Variants in ABCA13 observed in about 807,000 individuals in gnomAD.
ABCA13 encodes ATP-binding cassette sub-family A member 13.
ABCA13 carries 476 observed loss-of-function variants against 478.7 expected under a neutral mutation model. The observed-to-expected ratio is 0.99, with a 90% confidence interval of 0.92 to 1.07. The LOEUF is 1.07. ABCA13 is among the 50% of genes least tolerant of loss of function. ABCA13 has a pLI of 0.00. For synonymous variants in ABCA13, 2,252 were observed against 2,158.9 expected, an observed-to-expected ratio of 1.04 and a Z score of -1.20; for missense variants, 6,060 against 5,910.6, an observed-to-expected ratio of 1.03 and a Z score of -0.83.
chr7:48,337,108 C>T (rs1168973760), intron 28 of ABCA13, among the ~76,000 whole-genome samples: 3 of 152,098 alleles, frequency 2.0e-5, no homozygotes, highest in East Asian at 1.9e-4. Flanking sequence ...GATAAGACGG[C>T]GTAAGTTGTT....
chr7:48,235,585 G>A (rs1789826324), intron 8 of ABCA13, among the ~76,000 whole-genome samples: 1 of 152,202 alleles, frequency 6.6e-6, no homozygotes, highest in Non-Finnish European at 1.5e-5. Flanking sequence ...GTGTTCTGGA[G>A]GTCAGATGCC....
chr7:48,587,106 G>A, intron 56 of ABCA13, 48 bp from the exon 57 acceptor site: 1 of 1,608,450 alleles, frequency 6.2e-7, no homozygotes, highest in Non-Finnish European at 8.5e-7. Flanking sequence ...CTGTCTGGTG[G>A]GCACTTTGGT....
Position 48,646,530 on chromosome 7 carries a change from T to TTA in ABCA13, c.*1019_*1020insAT, listed in dbSNP as rs1315215646. 1.3e-5 allele frequency: 2 copies of TTA among 151,946 alleles called. No individual in the cohort carries two copies. Among genetic ancestry groups the TTA allele is most frequent in the Admixed American group, 6.6e-5 (1 of 15,220 alleles). The allele number at this position is 151,946 out of a possible 1,614,324, so 9.4% of individuals were successfully genotyped here. ...GTAGTCTTTTTTATTTATTTATTTT[T>TTA]TTTTTTTGAGGCGGAGTCTCGCTCT... On this transcript the variant is annotated 3_prime_UTR_variant, in exon 62 of 62. Transcript: ENST00000435803.
At chr7:48,511,055 C>T (rs768239647) in intron 50 of ABCA13, 29 bp from the exon 51 acceptor site, 4 of 1,537,672 alleles carry the variant, frequency 2.6e-6, no homozygotes, top group Non-Finnish European at 3.6e-6. Flanking sequence ...GATGTAACAG[C>T]TCTCCCTTAT....
At chr7:48,316,210 C>T (rs969435715) in intron 26 of ABCA13, among the ~76,000 whole-genome samples, 1 of 151,950 alleles carries the variant, frequency 6.6e-6, no homozygotes, top group Non-Finnish European at 1.5e-5. Context: ...TAAGTACTTG[C>T]GTGAAAATAA....
intron 31 of ABCA13, among the ~76,000 whole-genome samples, chr7:48,353,094 G>C (rs1399822116): frequency 6.6e-6 from 1 of 151,852 alleles, no homozygotes; most frequent in African/African-American, 2.4e-5. Flanking sequence ...CCAGGCAGGG[G>C]ATGTTTGCAG....
chr7:48,180,571 C>T (rs1795546968), intron 1 of ABCA13, among the ~76,000 whole-genome samples: 1 of 151,988 alleles, frequency 6.6e-6, no homozygotes, highest in Admixed American at 6.5e-5. Flanking sequence ...CAGGTGCCAC[C>T]CATCATGCCT....
At position 48,372,297 on chromosome 7, in the gene ABCA13, A is replaced by G; in HGVS notation, c.10933A>G (p.Ser3645Gly). 6.2e-7 allele frequency: 1 copy of G among 1,613,984 alleles called. No homozygotes were observed. The highest frequency in any genetic ancestry group is 8.5e-7 in the Non-Finnish European group (1 of 1,179,868). Reference protein sequence around the residue: ...VLKTSGIFAHSNTFIVFLFLL... With the variant: ...VLKTSGIFAHGNTFIVFLFLL... ...GAAAACAAGTGGCATCTTTGCACAC[A>G]GCAATACCTTTATTGTTTTCCTCTT... Residue 3645 changes from serine (S) to glycine (G), a missense_variant, in exon 33 of 62, where the codon AGC becomes GGC. Physicochemically the swap from Ser to Gly is moderately conservative, Grantham distance 56. This residue lies in a region of ABCA13 where 4,423 missense variants were observed against 4,309.1 expected (regional missense o/e 1.03). Transcript: ENST00000435803.
chr7:48,485,445 GAGAAAA>G (rs1268924996), intron 47 of ABCA13, among the ~76,000 whole-genome samples: 14 of 151,846 alleles, frequency 9.2e-5, no homozygotes, highest in East Asian at 5.8e-4. Context: ...CCATTCTTGG[GAGAAAA>G]AGAAAAAGAA....
intron 29 of ABCA13, among the ~76,000 whole-genome samples, chr7:48,346,917 C>T (rs115104330): frequency 8.0e-4 from 122 of 152,306 alleles, no homozygotes; most frequent in African/African-American, 2.7e-3. Context: ...CTTCTATGTT[C>T]CCAAACCAGG....
intron 43 of ABCA13, among the ~76,000 whole-genome samples, chr7:48,465,055 G>C (rs1826715849): frequency 6.6e-6 from 1 of 152,160 alleles, no homozygotes; most frequent in Non-Finnish European, 1.5e-5. Context: ...TCAAACAGTG[G>C]TTCTCCTGGT....
chr7:48,353,152 T>C (rs1477403365), intron 31 of ABCA13, among the ~76,000 whole-genome samples: 7 of 151,424 alleles, frequency 4.6e-5, no homozygotes, highest in Admixed American at 4.6e-4. Context: ...AACCTGAGGG[T>C]GAGCTTGGAC....
intron 29 of ABCA13, among the ~76,000 whole-genome samples, chr7:48,350,233 G>A (rs1296062103): frequency 6.6e-6 from 1 of 152,172 alleles, no homozygotes; most frequent in Non-Finnish European, 1.5e-5. Flanking sequence ...CTGCTTCAGG[G>A]AAGGCGTGTT....
At chr7:48,411,035 CTTTCTTTCTTTCTTT>C (rs1563208591) in intron 40 of ABCA13, among the ~76,000 whole-genome samples, 13 of 109,510 alleles carry the variant, frequency 1.2e-4, no homozygotes, top group Admixed American at 2.0e-4. Flanking sequence ...TTCTTTCTTT[CTTTCTTTCTTTCTTT>C]TTCTTTCTTT....
chr7:48,285,438 G>A (rs1797598779), intron 19 of ABCA13, among the ~76,000 whole-genome samples: 1 of 152,202 alleles, frequency 6.6e-6, no homozygotes, highest in Admixed American at 6.5e-5. Flanking sequence ...TGTTAGTGTC[G>A]AGACAGTTGT....
chr7:48,419,941 T>C (rs916956847), intron 41 of ABCA13, among the ~76,000 whole-genome samples: 3 of 152,184 alleles, frequency 2.0e-5, no homozygotes, highest in African/African-American at 7.2e-5. Context: ...GTATCTTAAA[T>C]TGGAAAAAGA....
intron 5 of ABCA13, among the ~76,000 whole-genome samples, chr7:48,227,059 A>G (rs1236266779): frequency 6.6e-6 from 1 of 152,160 alleles, no homozygotes; most frequent in Non-Finnish European, 1.5e-5. Context: ...AAGCCATTAA[A>G]AAAAAATCCT....
At chr7:48,507,259 C>T (rs926584655) in intron 49 of ABCA13, among the ~76,000 whole-genome samples, 9 of 152,158 alleles carry the variant, frequency 5.9e-5, no homozygotes, top group African/African-American at 1.4e-4. Context: ...TCCATCGTGT[C>T]GGCCTCCTGA....
intron 55 of ABCA13, among the ~76,000 whole-genome samples, chr7:48,548,696 G>A (rs1264525784): frequency 6.6e-6 from 1 of 151,650 alleles, no homozygotes; most frequent in Non-Finnish European, 1.5e-5. Context: ...GCGCTTCATG[G>A]GAAGTCCTCA....
Sources: allele counts gnomAD v4.1 joint callset (sites outside exome capture counted in the v4.1 genomes callset), GRCh38; gene constraint gnomAD v4.1.1; regional missense constraint gnomAD v4.1.1; transcripts MANE v1.5; gene names NCBI Gene and HGNC (gene_info 2026-07-23, HGNC 2026-07-21).